The following DMRT1 variants were observed in gnomAD, a reference collection of about 807,000 sequenced individuals.
DMRT1 encodes the protein doublesex- and mab-3-related transcription factor 1.
A neutral mutation model predicts 32.3 loss-of-function variants in DMRT1; 7 were observed. The observed-to-expected ratio is 0.22, with a 90% CI of 0.12 to 0.41. The LOEUF (loss-of-function observed/expected upper bound fraction) is 0.41, where lower values mean the gene tolerates loss of function less well. DMRT1 is among the 10% of genes least tolerant of loss of function. The probability of loss-of-function intolerance (pLI) is 1.00; values close to 1 mark genes in which losing one functional copy is unlikely to be tolerated. For missense variants in DMRT1, 625 were observed against 500.5 expected, an observed-to-expected ratio of 1.25 and a Z score of -2.37; for synonymous variants, 278 against 206.1, an observed-to-expected ratio of 1.35 and a Z score of -2.99.
At chr9:958,647 C>T (rs1418179457) in intron 4 of DMRT1, among the ~76,000 whole-genome samples, 4 of 152,162 alleles carry the variant, frequency 2.6e-5, no homozygotes, top group East Asian at 3.8e-4. Context: ...GGGTTACAGG[C>T]GTGAGCCACC....
intron 3 of DMRT1, among the ~76,000 whole-genome samples, chr9:909,562 C>T (rs562529352): frequency 2.0e-5 from 3 of 151,972 alleles, no homozygotes; most frequent in African/African-American, 7.3e-5. Context: ...GCCTTCACAC[C>T]CAGCACCACC....
At chr9:853,862 C>T (rs1815271582) in intron 2 of DMRT1, among the ~76,000 whole-genome samples, 1 of 152,086 alleles carries the variant, frequency 6.6e-6, no homozygotes, top group South Asian at 2.1e-4. Context: ...GTGGCTCCAT[C>T]ATGGCTCACT....
chr9:924,098 G>A (rs1250499743), intron 4 of DMRT1, among the ~76,000 whole-genome samples: 2 of 146,322 alleles, frequency 1.4e-5, no homozygotes, highest in African/African-American at 2.5e-5. Context: ...TCCACCTGGA[G>A]TCTCTCTCTG....
intron 4 of DMRT1, among the ~76,000 whole-genome samples, chr9:939,109 T>C (rs967822044): frequency 2.6e-5 from 4 of 152,230 alleles, no homozygotes; most frequent in Admixed American, 2.0e-4. Context: ...CTGTGCATCC[T>C]TTTCCCCTAA....
chr9:912,548 G>A (rs937748565), intron 3 of DMRT1, among the ~76,000 whole-genome samples: 16 of 152,246 alleles, frequency 1.1e-4, no homozygotes, highest in Admixed American at 7.8e-4. Flanking sequence ...ATAAGCACAC[G>A]CATGGATTTG....
In DMRT1 at chr9:845,205, A is replaced by ATTAT. The variant is rs930414791; in HGVS notation, c.355-1740_355-1737dup. ...TCTTTAAACCTGTTTTTTCAATCTT[A>ATTAT]TTATTTATTTATTTATTTTTTTGAG... On this transcript the variant is annotated intron_variant, in intron 1 of 4. Coordinates refer to ENST00000382276, the MANE Select transcript of DMRT1 (RefSeq NM_021951.3). Among the ~76,000 whole-genome samples the ATTAT allele has an allele frequency of 7.1e-4, 108 of 151,538 alleles. 2 individuals carry two copies. Among genetic ancestry groups the ATTAT allele is most frequent in the Middle Eastern group, 3.4e-3 (1 of 292 alleles).
intron 3 of DMRT1, among the ~76,000 whole-genome samples, chr9:899,749 T>A (rs1036235593): frequency 2.0e-5 from 3 of 152,226 alleles, no homozygotes; most frequent in African/African-American, 7.2e-5. Context: ...TTGTACCAGG[T>A]TGACAAGGGA....
At chr9:852,096 C>A (rs1220541945) in intron 2 of DMRT1, among the ~76,000 whole-genome samples, 1 of 151,868 alleles carries the variant, frequency 6.6e-6, no homozygotes, top group African/African-American at 2.4e-5. Context: ...ATCACCACCA[C>A]CCGTTTAATT....
At chr9:845,766 G>GCAGAC (rs1285970702) in intron 1 of DMRT1, among the ~76,000 whole-genome samples, 2 of 117,910 alleles carry the variant, frequency 1.7e-5, no homozygotes, top group Admixed American at 8.0e-5. Context: ...GCTTTCCTAA[G>GCAGAC]CAGACCCTGC....
At chr9:945,883 A>G (rs187539702) in intron 4 of DMRT1, among the ~76,000 whole-genome samples, 6 of 152,216 alleles carry the variant, frequency 3.9e-5, no homozygotes, top group Admixed American at 6.5e-5. Flanking sequence ...ATGAAATTAC[A>G]TGCAGATATG....
At chr9:901,933 G>GCA (rs1817596771) in intron 3 of DMRT1, among the ~76,000 whole-genome samples, 1 of 109,542 alleles carries the variant, frequency 9.1e-6, no homozygotes, top group African/African-American at 4.2e-5. Flanking sequence ...TTTTTTTTGA[G>GCA]ACAGAGTCTC....
intron 2 of DMRT1, among the ~76,000 whole-genome samples, chr9:877,805 G>A (rs73372789): frequency 0.025 from 3,854 of 152,188 alleles, 169 homozygotes; most frequent in African/African-American, 0.087. Context: ...ACAATGGAGA[G>A]TTGATTATTT....
In DMRT1 at chr9:862,106, T is replaced by A. The variant is rs113247830; in HGVS notation, c.538+14963T>A. 2.1e-4 allele frequency among the ~76,000 whole-genome samples: 15 copies of A among 70,642 alleles called. 1 individual carries two copies. The highest frequency in any genetic ancestry group is 5.5e-4 in the Non-Finnish European group (14 of 25,580). 46.3% of individuals were successfully genotyped at this position (70,642 alleles called of 152,430 possible). On this transcript the variant is annotated intron_variant, in intron 2 of 4. Coordinates refer to ENST00000382276, the MANE Select transcript of DMRT1 (RefSeq NM_021951.3). ...CTCACTTCCTAGACGGGGTGGCGGC[T>A]GGGCAGAGGCTGCAATCTCAGCACT...
At chr9:964,175 A>G (rs1341689107) in intron 4 of DMRT1, among the ~76,000 whole-genome samples, 1 of 152,024 alleles carries the variant, frequency 6.6e-6, no homozygotes, top group African/African-American at 2.4e-5. Flanking sequence ...ATGTCAAAAG[A>G]TTTAGCACTT....
intron 4 of DMRT1, among the ~76,000 whole-genome samples, chr9:923,073 G>C (rs979877493): frequency 6.6e-6 from 1 of 152,132 alleles, no homozygotes; most frequent in African/African-American, 2.4e-5. Context: ...TGATACCATA[G>C]GCCTCTCCTT....
At chr9:902,297 T>C (rs1029214927) in intron 3 of DMRT1, among the ~76,000 whole-genome samples, 1 of 151,938 alleles carries the variant, frequency 6.6e-6, no homozygotes, top group Non-Finnish European at 1.5e-5. Context: ...AAAAAGTTGA[T>C]ACCCGTTGTC....
At chr9:899,859 T>C (rs1468377740) in intron 3 of DMRT1, among the ~76,000 whole-genome samples, 1 of 152,230 alleles carries the variant, frequency 6.6e-6, no homozygotes, top group African/African-American at 2.4e-5. Context: ...TTGACTGCTT[T>C]TCCAAAGCTT....
At chr9:884,643 T>C (rs1799624088) in intron 2 of DMRT1, among the ~76,000 whole-genome samples, 1 of 152,190 alleles carries the variant, frequency 6.6e-6, no homozygotes, top group South Asian at 2.1e-4. Flanking sequence ...TTTGTTCTTA[T>C]TGCACAAATT....
intron 2 of DMRT1, among the ~76,000 whole-genome samples, chr9:864,780 G>A (rs916906900): frequency 3.3e-5 from 5 of 152,152 alleles, no homozygotes; most frequent in South Asian, 2.1e-4. Flanking sequence ...GATTACAGGC[G>A]TGAGCCACCG....
Sources: gnomAD v4.1 joint callset for allele counts (sites outside exome capture counted in the v4.1 genomes callset) on GRCh38, gnomAD v4.1.1 for gene constraint, MANE v1.5 for transcripts, NCBI Gene and HGNC (gene_info 2026-07-23, HGNC 2026-07-21) for gene names.